Variants in PXDNL observed in about 807,000 individuals in gnomAD.
PXDNL encodes peroxidasin like.
In PXDNL, 145 loss-of-function variants were observed where a neutral mutation model predicts 150.8. The ratio of observed to expected loss-of-function variants is 0.96; its 90% CI spans 0.84 to 1.10. PXDNL has a LOEUF of 1.10. Among genes scored for constraint, PXDNL ranks in the 50% least tolerant of loss-of-function variants. The pLI is 0.00. For synonymous variants in PXDNL, 757 were observed against 725.7 expected (o/e 1.04, Z -0.69); for missense variants, 2,087 against 1,873.9 (o/e 1.11, Z -2.10).
rs757653189 is a variant in PXDNL at position 51,409,422 on chromosome 8, G to C, written c.2202C>G (p.Cys734Trp). 1.1e-5 allele frequency: 18 copies of C among 1,612,012 alleles called. No individual in the cohort carries two copies. The Admixed American group carries it at 2.8e-4, about 25-fold the overall frequency. The change falls in exon 17 of 23, where the codon TGC (cysteine) becomes TGG (tryptophan). Residue 734 changes from cysteine to tryptophan, a missense_variant. Cys to Trp is a radical substitution (Grantham distance 215, BLOSUM62 -2). Coordinates refer to ENST00000356297, the MANE Select transcript of PXDNL (RefSeq NM_144651.5). ...HAKYRAHDGT[C>W]NNLQQPTWGA... ...CCCACGTGGGCTGCTGCAGGTTGTT[G>C]CACGTGCCGTCGTGGGCGCGGTACT...
intron 3 of PXDNL, among the ~76,000 whole-genome samples, chr8:51,571,539 A>G (rs1248354433): frequency 6.6e-6 from 1 of 151,854 alleles, no homozygotes. Flanking sequence ...TTTTTAAACT[A>G]TAGAAAATGG....
At chr8:51,490,341 G>T (rs1810861704) in intron 5 of PXDNL, among the ~76,000 whole-genome samples, 1 of 152,068 alleles carries the variant, frequency 6.6e-6, no homozygotes, top group Non-Finnish European at 1.5e-5. Context: ...ACTTCTAATT[G>T]TTCAAGGTAA....
intron 3 of PXDNL, among the ~76,000 whole-genome samples, chr8:51,574,640 A>T (rs1194974823): frequency 6.6e-6 from 1 of 152,074 alleles, no homozygotes; most frequent in Non-Finnish European, 1.5e-5. Flanking sequence ...AAATATCAGA[A>T]AACTAAAAAA....
intron 18 of PXDNL, among the ~76,000 whole-genome samples, chr8:51,374,172 C>T (rs900055583): frequency 1.3e-5 from 2 of 152,146 alleles, no homozygotes; most frequent in Non-Finnish European, 2.9e-5. Flanking sequence ...AGGCTGCTAC[C>T]AGTTCCTTCC....
intron 17 of PXDNL, among the ~76,000 whole-genome samples, chr8:51,405,239 G>A (rs1018511997): frequency 5.3e-5 from 8 of 152,212 alleles, no homozygotes; most frequent in Admixed American, 1.3e-4. Flanking sequence ...GTGCAACCGC[G>A]GGGTGAAGGG....
intron 19 of PXDNL, among the ~76,000 whole-genome samples, chr8:51,362,992 T>C (rs1467951181): frequency 6.6e-6 from 1 of 152,204 alleles, no homozygotes; most frequent in Non-Finnish European, 1.5e-5. Flanking sequence ...CTGGATTCAG[T>C]GATCTGGACA....
In PXDNL at chr8:51,449,632, T is replaced by C. The variant is rs537709909; in HGVS notation, c.1250-514A>G. On this transcript the variant is annotated intron_variant, in intron 10 of 22. Transcript: ENST00000356297. Reference sequence around the variant, plus strand: ...ATGTCAAAATTCAGAGTTCCAAATATTCAGATTTTGTATTATTGCTTTTGT... The same window carrying C: ...ATGTCAAAATTCAGAGTTCCAAATACTCAGATTTTGTATTATTGCTTTTGT... Among the ~76,000 whole-genome samples the C allele has an allele frequency of 2.8e-4, 43 of 152,340 alleles. 1 individual carries two copies. The highest frequency in any genetic ancestry group is 9.4e-4 in the African/African-American group (39 of 41,576).
chr8:51,566,323 C>T (rs981636333), intron 3 of PXDNL, among the ~76,000 whole-genome samples: 1 of 151,600 alleles, frequency 6.6e-6, no homozygotes, highest in African/African-American at 2.4e-5. Flanking sequence ...AGGAAGTATT[C>T]CCTCTGTTTC....
At chr8:51,520,232 A>G (rs958837465) in intron 4 of PXDNL, among the ~76,000 whole-genome samples, 1 of 152,224 alleles carries the variant, frequency 6.6e-6, no homozygotes, top group African/African-American at 2.4e-5. Context: ...GAACACGGCC[A>G]GAGGGCAATA....
intron 5 of PXDNL, among the ~76,000 whole-genome samples, chr8:51,498,521 CAGA>C (rs1367733306): frequency 2.0e-5 from 3 of 151,952 alleles, no homozygotes; most frequent in African/African-American, 7.3e-5. Context: ...AAAGACAAAA[CAGA>C]AGAAGGATAT....
chr8:51,741,053 A>T (rs1490354034), intron 1 of PXDNL, among the ~76,000 whole-genome samples: 2 of 152,136 alleles, frequency 1.3e-5, no homozygotes, highest in Non-Finnish European at 2.9e-5. Context: ...TTCTCTTTGA[A>T]ACGCTGGTAG....
In PXDNL at chr8:51,596,578, T is replaced by C. The variant is rs191781306; in HGVS notation, c.237-3880A>G. 8.8e-3 allele frequency among the ~76,000 whole-genome samples: 1,337 copies of C among 152,294 alleles called. 15 individuals are homozygous for C. The highest frequency in any genetic ancestry group is 0.013 in the Non-Finnish European group (876 of 68,008). On this transcript the variant is annotated intron_variant, in intron 2 of 22. Transcript: ENST00000356297. Reference sequence around the variant, plus strand: ...CCACAGCTGTTGCTGTTTTTTACTTTTTAATAATAGCCATTCTGACTATTA... The same window carrying C: ...CCACAGCTGTTGCTGTTTTTTACTTCTTAATAATAGCCATTCTGACTATTA...
At position 51,370,006 on chromosome 8, in the gene PXDNL, T is replaced by C. The variant is rs1215585352; in HGVS notation, c.3901+1867A>G. Among the ~76,000 whole-genome samples the C allele has an allele frequency of 7.2e-5, 11 of 152,162 alleles. 1 individual carries two copies. Among genetic ancestry groups the C allele is most frequent in the African/African-American group, 2.4e-4 (10 of 41,432 alleles). ...GGGCCTGCTCACTGTCTCTGTGCCA[T>C]GCACCTACCCTACACGTGCTACCAG... On this transcript the variant is annotated intron_variant, in intron 19 of 22. Coordinates refer to ENST00000356297, the MANE Select transcript of PXDNL (RefSeq NM_144651.5).
intron 2 of PXDNL, among the ~76,000 whole-genome samples, chr8:51,644,645 G>C (rs1162100345): frequency 6.6e-6 from 1 of 151,336 alleles, no homozygotes; most frequent in Non-Finnish European, 1.5e-5. Flanking sequence ...TTTTAGTAGA[G>C]ATGGGGTTTC....
chr8:51,613,491 G>T (rs56005314), intron 2 of PXDNL, among the ~76,000 whole-genome samples: 4 of 38,556 alleles, frequency 1.0e-4, no homozygotes, highest in South Asian at 2.2e-3. Context: ...GGGCGGGGGG[G>T]GGGCAGGGCG....
intron 1 of PXDNL, among the ~76,000 whole-genome samples, chr8:51,780,654 C>CTTTTTT (rs71237240): frequency 1.7e-3 from 131 of 75,150 alleles, no homozygotes; most frequent in African/African-American, 2.5e-3. Context: ...CTTTTCTTTT[C>CTTTTTT]TTTTTTTTTT....
chr8:51,715,885 T>C (rs905782602), intron 1 of PXDNL, among the ~76,000 whole-genome samples: 1 of 151,966 alleles, frequency 6.6e-6, no homozygotes, highest in Non-Finnish European at 1.5e-5. Flanking sequence ...TAAATGACAT[T>C]ACCTGAAAGT....
chr8:51,554,775 A>G lies in PXDNL; in HGVS notation c.380+2065T>C, dbSNP rs559743037. Among the ~76,000 whole-genome samples the G allele has an allele frequency of 3.3e-5, 5 of 152,248 alleles. No individual in the cohort carries two copies. The East Asian group carries it at 9.7e-4, about 29-fold the overall frequency. On this transcript the variant is annotated intron_variant, in intron 4 of 22. Transcript: ENST00000356297. ...TCATTTCTGTCCAAGACCCCATCAG[A>G]ATTGCCTTACTGTCCATATTTATAC... is the stretch of plus-strand genomic sequence containing the variant.
At chr8:51,587,362 A>G (rs888870334) in intron 3 of PXDNL, among the ~76,000 whole-genome samples, 1 of 152,202 alleles carries the variant, frequency 6.6e-6, no homozygotes, top group African/African-American at 2.4e-5. Flanking sequence ...GAATCACTAT[A>G]TCCAAAGATA....
Sources: gnomAD v4.1 joint callset for allele counts (sites outside exome capture counted in the v4.1 genomes callset) on GRCh38, gnomAD v4.1.1 for gene constraint, MANE v1.5 for transcripts, NCBI Gene and HGNC (gene_info 2026-07-23, HGNC 2026-07-21) for gene names.